Variants in TUFT1 observed in about 807,000 individuals in gnomAD.
TUFT1 encodes tuftelin.
In TUFT1, 43 loss-of-function variants were observed where a neutral mutation model predicts 57.8. That is an observed-to-expected ratio of 0.74 (90% CI 0.58 to 0.96). TUFT1 has a LOEUF of 0.96. TUFT1 is among the 40% of genes least tolerant of loss of function. The pLI, the probability that TUFT1 is intolerant of heterozygous loss-of-function variation, is 0.00. For missense variants in TUFT1, 459 were observed against 489.0 expected (o/e 0.94, Z 0.58); for synonymous variants, 166 against 176.7 (o/e 0.94, Z 0.48).
chr1:151,550,938 A>G (rs1478227935), intron 1 of TUFT1, among the ~76,000 whole-genome samples: 8 of 152,180 alleles, frequency 5.3e-5, no homozygotes, highest in Admixed American at 4.6e-4. Context: ...AAAATAATAT[A>G]TAATTTAAAA....
Position 151,574,261 on chromosome 1 carries a change from G to A in TUFT1, c.595-9G>A, listed in dbSNP as rs766145393. The A allele has an allele frequency of 2.5e-5, 41 of 1,611,700 alleles. No homozygotes were observed. In the South Asian group the frequency reaches 2.8e-4, roughly 11 times the overall value. ...ACACCATTTAACATATTCCTGCTCCGTGTTTTAGGTCACACTCAGCCGGTA... is the reference window on the plus strand; with the variant it reads ...ACACCATTTAACATATTCCTGCTCCATGTTTTAGGTCACACTCAGCCGGTA... On this transcript the variant is annotated splice_polypyrimidine_tract_variant and intron_variant, in intron 7 of 12. Coordinates refer to ENST00000368849, the MANE Select transcript of TUFT1 (RefSeq NM_020127.3).
Position 151,582,322 on chromosome 1 carries a change from A to G in TUFT1, c.*615A>G. 2.4e-6 allele frequency: 1 copy of G among 424,772 alleles called. No homozygotes were observed. The highest frequency in any genetic ancestry group is 4.7e-6 in the Non-Finnish European group (1 of 211,588). The allele number at this position is 424,772 out of a possible 1,614,324, so 26.3% of individuals were successfully genotyped here. On this transcript the variant is annotated 3_prime_UTR_variant, in exon 13 of 13. Coordinates refer to ENST00000368849, the MANE Select transcript of TUFT1 (RefSeq NM_020127.3). ...GCCTTGTCTTTCTGGGGAGGAGGGA[A>G]TGTACATTCAGGGAGTAGCCTTTTG...
At chr1:151,557,730 A>T (rs918234983) in intron 1 of TUFT1, 1 of 786,938 alleles carries the variant, frequency 1.3e-6, no homozygotes, top group Non-Finnish European at 2.3e-6. Context: ...TCTATGCTGC[A>T]GCCGTCCAGA....
At position 151,570,532 on chromosome 1, in the gene TUFT1, AG is replaced by A. The variant is rs1253588513; in HGVS notation, c.594+763del. 3.2e-4 allele frequency among the ~76,000 whole-genome samples: 48 copies of A among 152,102 alleles called. 1 individual carries two copies. The highest frequency in any genetic ancestry group is 3.9e-4 in the Admixed American group (6 of 15,270). ...CCTGACCTTGTGATCCACCTGCCTC[AG>A]CCTCCCAAAGTGCTGGGATTACAGG... On this transcript the variant is annotated intron_variant, in intron 7 of 12. Transcript: ENST00000368849.
chr1:151,573,507 G>A (rs1311329545), intron 7 of TUFT1, among the ~76,000 whole-genome samples: 1 of 152,192 alleles, frequency 6.6e-6, no homozygotes, highest in African/African-American at 2.4e-5. Flanking sequence ...CACTTTAGGA[G>A]GCCAAGGCGG....
intron 1 of TUFT1, among the ~76,000 whole-genome samples, chr1:151,555,554 A>G (rs1665666480): frequency 6.6e-6 from 1 of 151,458 alleles, no homozygotes; most frequent in African/African-American, 2.4e-5. Flanking sequence ...CGAGGCAGGC[A>G]GATCACGAGG....
At chr1:151,554,726 C>CA (rs1291895909) in intron 1 of TUFT1, among the ~76,000 whole-genome samples, 3 of 83,092 alleles carry the variant, frequency 3.6e-5, no homozygotes, top group Non-Finnish European at 6.6e-5. Context: ...TTTTTTGAGA[C>CA]AGAGTCTCAC....
chr1:151,561,991 C>A, intron 1 of TUFT1, 100 bp from the exon 2 acceptor site: 2 of 1,475,918 alleles, frequency 1.4e-6, no homozygotes, highest in Non-Finnish European at 9.4e-7. Flanking sequence ...TGATAAGACC[C>A]GCTCCACAGA....
chr1:151,561,853 C>A, intron 1 of TUFT1: 1 of 1,483,322 alleles, frequency 6.7e-7, no homozygotes, highest in African/African-American at 1.4e-5. Flanking sequence ...GAGCCATGTG[C>A]CAGGTAATCT....
intron 1 of TUFT1, among the ~76,000 whole-genome samples, chr1:151,553,991 GTTTT>G (rs1665592223): frequency 6.6e-6 from 1 of 151,732 alleles, no homozygotes; most frequent in Non-Finnish European, 1.5e-5. Flanking sequence ...TCTTCTGCCT[GTTTT>G]TCTATTGGGC....
Position 151,562,122 on chromosome 1 carries a change from A to G in TUFT1, c.92A>G (p.Gln31Arg), listed in dbSNP as rs1048610386. 2 of 1,614,200 alleles carry G rather than the reference A, an allele frequency of 1.2e-6. No homozygotes were observed. The highest frequency in any genetic ancestry group is 1.7e-6 in the Non-Finnish European group (2 of 1,180,016). Residue 31 changes from glutamine (Q) to arginine (R), a missense_variant, in exon 2 of 13, where the codon CAG (glutamine) becomes CGG (arginine). Gln to Arg is a conservative substitution (Grantham distance 43, BLOSUM62 1). Transcript: ENST00000368849. ...GTGGACATTCTCAGGCTGACTCTCC[A>G]GGGTGAACTGACAGGAGATGAACTT... The part of the protein sequence containing the change: ...GSVDILRLTL[Q>R]GELTGDELEH...
chr1:151,574,512 A>T (rs1666383899), intron 8 of TUFT1, 114 bp downstream of exon 8: 3 of 1,370,356 alleles, frequency 2.2e-6, no homozygotes, highest in Non-Finnish European at 3.0e-6. Flanking sequence ...AGAAAAGCAC[A>T]CTTCGCACCT....
Position 151,554,955 on chromosome 1 carries a change from C to T in TUFT1, c.61-7136C>T, listed in dbSNP as rs187223383. 6.9e-4 allele frequency among the ~76,000 whole-genome samples: 104 copies of T among 149,810 alleles called. No homozygotes were observed. In the East Asian group the frequency reaches 7.1e-3, roughly 10 times the overall value. ...CTGACCTCAGGTGATCCACCCACCT[C>T]GGCCTCCCAAAGTGCTGGGGTTACA... On this transcript the variant is annotated intron_variant, in intron 1 of 12. Coordinates refer to ENST00000368849, the MANE Select transcript of TUFT1 (RefSeq NM_020127.3).
At chr1:151,577,903 G>A (rs1339334327) in intron 9 of TUFT1, among the ~76,000 whole-genome samples, 1 of 152,006 alleles carries the variant, frequency 6.6e-6, no homozygotes, top group Non-Finnish European at 1.5e-5. Context: ...GCATGTGCCT[G>A]TAGTCCCAGC....
In TUFT1 at chr1:151,578,669, G is replaced by T. The variant is rs1035865548; in HGVS notation, c.819-52G>T. 8.8e-6 allele frequency: 13 copies of T among 1,470,218 alleles called. No individual in the cohort carries two copies. In the African/African-American group the frequency reaches 9.8e-5, roughly 11 times the overall value. The allele number at this position is 1,470,218 out of a possible 1,614,324, so 91.1% of individuals were successfully genotyped here. On this transcript the variant is annotated intron_variant, in intron 9 of 12. Transcript: ENST00000368849. ...AGCTCAAGGCTCTTCCTGTGACTGG[G>T]TAAATAAGTGATCTTGTTCCATTGC...
At chr1:151,572,125 C>G (rs963861404) in intron 7 of TUFT1, among the ~76,000 whole-genome samples, 4 of 152,154 alleles carry the variant, frequency 2.6e-5, no homozygotes, top group Admixed American at 2.6e-4. Context: ...TTTTGGAGCC[C>G]AGGAGGTGGA....
At chr1:151,578,028 G>GA (rs1168900117) in intron 9 of TUFT1, among the ~76,000 whole-genome samples, 387 of 137,016 alleles carry the variant, frequency 2.8e-3, no homozygotes, top group Middle Eastern at 0.011. Context: ...CCTGTCTCCG[G>GA]AAAAAAAAAA....
At chr1:151,561,859 A>G in intron 1 of TUFT1, 1 of 1,491,948 alleles carries the variant, frequency 6.7e-7, no homozygotes, top group Non-Finnish European at 8.9e-7. Context: ...TGTGCCAGGT[A>G]ATCTTTGTTG....
chr1:151,564,562 G>A lies in TUFT1; in HGVS notation c.362G>A (p.Ser121Asn). Residue 121 changes from serine to asparagine, a missense_variant, in exon 5 of 13, where the codon AGT becomes AAT. By Grantham distance (46) the Ser-to-Asn change is conservative (BLOSUM62 1). Coordinates refer to ENST00000368849, the MANE Select transcript of TUFT1 (RefSeq NM_020127.3). Reference sequence around the variant, plus strand: ...CTACAGAAGCTCCGGGAGGATATAAGTAGCAAGCTTGACAGGAACCTAGGA... The same window carrying A: ...CTACAGAAGCTCCGGGAGGATATAAATAGCAAGCTTGACAGGAACCTAGGA... ...NCLQKLREDI[S>N]SKLDRNLGDS... 1.2e-6 allele frequency: 2 copies of A among 1,614,190 alleles called. No homozygotes were observed. The highest frequency in any genetic ancestry group is 1.6e-4 in the Middle Eastern group (1 of 6,062).
Sources: gnomAD v4.1 joint callset for allele counts (sites outside exome capture counted in the v4.1 genomes callset) on GRCh38, gnomAD v4.1.1 for gene constraint, MANE v1.5 for transcripts, NCBI Gene and HGNC (gene_info 2026-07-23, HGNC 2026-07-21) for gene names.